The following E2F3 variants were observed in gnomAD, a reference collection of about 807,000 sequenced individuals.
E2F3 encodes the protein E2F transcription factor 3.
In E2F3, 11 loss-of-function variants were observed where a neutral mutation model predicts 44.4. The observed-to-expected ratio is 0.25, with a 90% confidence interval of 0.16 to 0.41. The LOEUF (loss-of-function observed/expected upper bound fraction) is 0.41, where lower values mean the gene tolerates loss of function less well. Ranked by LOEUF, E2F3 falls within the 10% of genes least tolerant of loss-of-function variation. The probability of loss-of-function intolerance (pLI) is 1.00; values close to 1 mark genes in which losing one functional copy is unlikely to be tolerated. For synonymous variants in E2F3, 249 were observed against 253.0 expected, an observed-to-expected ratio of 0.98 and a Z score of 0.15; for missense variants, 487 against 583.6, an observed-to-expected ratio of 0.83 and a Z score of 1.70.
intron 4 of E2F3, among the ~76,000 whole-genome samples, chr6:20,484,475 T>C (rs1409427982): frequency 6.6e-6 from 1 of 152,222 alleles, no homozygotes; most frequent in African/African-American, 2.4e-5. Flanking sequence ...TAAGTTCTTG[T>C]CATACAGCTT....
intron 1 of E2F3, among the ~76,000 whole-genome samples, chr6:20,429,535 G>T (rs1382376702): frequency 2.0e-5 from 3 of 152,148 alleles, no homozygotes; most frequent in African/African-American, 7.2e-5. Context: ...TGCAGTAGGG[G>T]TCTTGGAATG....
At chr6:20,461,329 T>C (rs1456652730) in intron 1 of E2F3, among the ~76,000 whole-genome samples, 1 of 152,046 alleles carries the variant, frequency 6.6e-6, no homozygotes, top group Non-Finnish European at 1.5e-5. Flanking sequence ...CCGTTTCTAC[T>C]AAAAATACAA....
At position 20,411,676 on chromosome 6, in the gene E2F3, C is replaced by T. The variant is rs561540333; in HGVS notation, c.393+9051C>T. 6.7e-4 allele frequency among the ~76,000 whole-genome samples: 102 copies of T among 152,314 alleles called. 2 individuals are homozygous for T. The South Asian group carries it at 0.019, about 29-fold the overall frequency. On this transcript the variant is annotated intron_variant, in intron 1 of 6. Coordinates refer to ENST00000346618, the MANE Select transcript of E2F3 (RefSeq NM_001949.5). ...CTGGTGTGTTTGCTCGTAGCTTCTCCCTCTCCACCTTACTCCTTTTGTTGC... is the reference window on the plus strand; with the variant it reads ...CTGGTGTGTTTGCTCGTAGCTTCTCTCTCTCCACCTTACTCCTTTTGTTGC...
intron 1 of E2F3, among the ~76,000 whole-genome samples, chr6:20,424,633 T>C (rs1040994537): frequency 3.1e-4 from 47 of 152,188 alleles, no homozygotes; most frequent in Non-Finnish European, 4.7e-4. Context: ...TGTTCATGCT[T>C]ACTTGCATTT....
chr6:20,454,223 A>G (rs532283976), intron 1 of E2F3, among the ~76,000 whole-genome samples: 2 of 152,374 alleles, frequency 1.3e-5, no homozygotes, highest in East Asian at 3.9e-4. Flanking sequence ...GCAAACTGCT[A>G]TCCTTGAGCT....
At chr6:20,480,406 A>G (rs928175362) in intron 2 of E2F3, among the ~76,000 whole-genome samples, 10 of 152,168 alleles carry the variant, frequency 6.6e-5, no homozygotes, top group Admixed American at 6.5e-4. Flanking sequence ...TTCTCTTTCT[A>G]TCAAATACTA....
chr6:20,453,217 A>T (rs1013313705), intron 1 of E2F3, among the ~76,000 whole-genome samples: 2 of 151,872 alleles, frequency 1.3e-5, no homozygotes, highest in Admixed American at 1.3e-4. Context: ...AGAATTTTCC[A>T]TTCTTTCTTT....
At chr6:20,447,919 G>A (rs1468758766) in intron 1 of E2F3, among the ~76,000 whole-genome samples, 1 of 152,164 alleles carries the variant, frequency 6.6e-6, no homozygotes, top group South Asian at 2.1e-4. Context: ...GGCCCAGAGA[G>A]GGCAGGTGAC....
chr6:20,481,042 T>TA, intron 2 of E2F3, among the ~76,000 whole-genome samples, 164 bp from the exon 3 acceptor site: 1 of 152,330 alleles, frequency 6.6e-6, no homozygotes, highest in African/African-American at 2.4e-5. Context: ...AAAACTTTCA[T>TA]AGCTTTCTAT....
At chr6:20,417,578 A>T (rs1218305922) in intron 1 of E2F3, among the ~76,000 whole-genome samples, 1 of 148,226 alleles carries the variant, frequency 6.7e-6, no homozygotes, top group East Asian at 1.9e-4. Flanking sequence ...TTATTTCCTG[A>T]TAATGGATTT....
At chr6:20,485,009 T>C (rs1439446419) in intron 4 of E2F3, among the ~76,000 whole-genome samples, 2 of 151,890 alleles carry the variant, frequency 1.3e-5, no homozygotes, top group Admixed American at 1.3e-4. Context: ...TTCTAGGGTC[T>C]CTAAGCCCCC....
intron 1 of E2F3, among the ~76,000 whole-genome samples, chr6:20,404,049 G>A (rs1759407256): frequency 6.6e-6 from 1 of 152,160 alleles, no homozygotes; most frequent in Non-Finnish European, 1.5e-5. Flanking sequence ...TGCCCCAGGG[G>A]GTGGGTATGG....
rs531044280 is a variant in E2F3, at chr6:20,472,868, G to A, written c.394-6978G>A. ...ATGTCTGCTTAAGTAAATAAATCGT[G>A]GCATATTAATTAATACAATATTATG... On this transcript the variant is annotated intron_variant, in intron 1 of 6. Coordinates refer to ENST00000346618, the MANE Select transcript of E2F3 (RefSeq NM_001949.5). 2.0e-5 allele frequency among the ~76,000 whole-genome samples: 3 copies of A among 152,038 alleles called. No individual in the cohort carries two copies. In the East Asian group the frequency reaches 5.8e-4, roughly 29 times the overall value.
intron 1 of E2F3, chr6:20,403,853 GGGGGCCGCCGACGCCGC>G (rs1476265359): frequency 2.8e-6 from 4 of 1,419,490 alleles, no homozygotes; most frequent in Admixed American, 4.6e-5. Flanking sequence ...GGGACGGCTC[GGGGGCCGCCGACGCCGC>G]GGGGGCACCG....
At chr6:20,466,490 C>G (rs1761714791) in intron 1 of E2F3, among the ~76,000 whole-genome samples, 1 of 152,146 alleles carries the variant, frequency 6.6e-6, no homozygotes, top group Non-Finnish European at 1.5e-5. Flanking sequence ...ATTTGCATTT[C>G]CCTGATCATT....
At chr6:20,488,973 CAG>C (rs899990079) in intron 6 of E2F3, among the ~76,000 whole-genome samples, 11 of 152,040 alleles carry the variant, frequency 7.2e-5, no homozygotes, top group Non-Finnish European at 1.3e-4. Context: ...AGCCTGGTGA[CAG>C]AGTGAGACTC....
At chr6:20,478,095 AGGCTGAGAT>A (rs1762105813) in intron 1 of E2F3, among the ~76,000 whole-genome samples, 1 of 152,040 alleles carries the variant, frequency 6.6e-6, no homozygotes, top group Non-Finnish European at 1.5e-5. Context: ...TCTACTCAGG[AGGCTGAGAT>A]GGGAGGATTC....
intron 1 of E2F3, chr6:20,403,783 C>G (rs1335257461): frequency 1.3e-6 from 2 of 1,500,614 alleles, no homozygotes; most frequent in Non-Finnish European, 1.8e-6. Context: ...GCCGGCCCCC[C>G]ACCTCCCCCC....
intron 6 of E2F3, 66 bp downstream of exon 6, chr6:20,488,314 T>A (rs2127627598): frequency 2.0e-6 from 3 of 1,508,148 alleles, no homozygotes. Flanking sequence ...ACCATCTGTA[T>A]TGGAACCACA....
Sources: allele counts gnomAD v4.1 joint callset (sites outside exome capture counted in the v4.1 genomes callset), GRCh38; gene constraint gnomAD v4.1.1; transcripts MANE v1.5; gene names NCBI Gene and HGNC (gene_info 2026-07-23, HGNC 2026-07-21).